RGS3: variants seen among roughly 807,000 people sequenced by gnomAD.
RGS3 encodes the protein regulator of G protein signaling 3.
Under a neutral mutation model 132.6 loss-of-function variants are expected in RGS3, and 80 were observed. The observed-to-expected ratio is 0.60, with a 90% CI of 0.50 to 0.73. The LOEUF is 0.73. RGS3 is among the 30% of genes least tolerant of loss of function. The pLI is 0.00. For missense variants in RGS3, 1,382 were observed against 1,530.8 expected (o/e 0.90, Z 1.62); for synonymous variants, 598 against 620.6 (o/e 0.96, Z 0.54).
chr9:113,580,448 G>C (rs1834734270), intron 19 of RGS3, among the ~76,000 whole-genome samples: 1 of 152,228 alleles, frequency 6.6e-6, no homozygotes, highest in Non-Finnish European at 1.5e-5. Context: ...TCCAGGGCCA[G>C]GCACTGTGAG....
Position 113,501,572 on chromosome 9 carries a change from CA to C in RGS3, c.897+3493del, listed in dbSNP as rs755707327. On this transcript the variant is annotated intron_variant, in intron 10 of 24. Transcript: ENST00000350696. ...GGGGCGGCAGCCGAGGCAGGACCCG[CA>C]GCCATGAACCGCTTCAATGGGCTCT... is the stretch of plus-strand genomic sequence containing the variant. 15 of 1,549,678 alleles carry C rather than the reference CA, an allele frequency of 9.7e-6. No homozygotes were observed. In the South Asian group the frequency reaches 1.8e-4, roughly 18 times the overall value.
intron 19 of RGS3, among the ~76,000 whole-genome samples, chr9:113,576,505 T>C (rs1003128028): frequency 6.6e-6 from 1 of 152,018 alleles, no homozygotes; most frequent in Admixed American, 6.5e-5. Context: ...CTAATTTTTG[T>C]ATTTTTGGTA....
At position 113,577,724 on chromosome 9, in the gene RGS3, C is replaced by T. The variant is rs561052687; in HGVS notation, c.2038-5726C>T. On this transcript the variant is annotated intron_variant, in intron 19 of 24. Transcript: ENST00000350696. ...TGCTGCTTCCTCCCCTAGTGAGCCC[C>T]GCCCTGCCCCTTGAGCAGATTTCGG... 3.1e-3 allele frequency among the ~76,000 whole-genome samples: 474 copies of T among 152,290 alleles called. 3 individuals are homozygous for T. The highest frequency in any genetic ancestry group is 0.01 in the African/African-American group (423 of 41,556).
At chr9:113,523,002 A>T (rs2119411249) in exon 17 of RGS3, 1 of 1,614,028 alleles carries the variant, frequency 6.2e-7, no homozygotes, top group East Asian at 2.2e-5. Context: ...CGACGTCCTG[A>T]GGAACCCCCT....
chr9:113,485,325 A>G (rs536859578), intron 6 of RGS3, among the ~76,000 whole-genome samples: 1 of 152,120 alleles, frequency 6.6e-6, no homozygotes, highest in African/African-American at 2.4e-5. Context: ...TCCTGACCTC[A>G]TGATCCGCCC....
At chr9:113,489,951 A>C (rs933116985) in intron 7 of RGS3, among the ~76,000 whole-genome samples, 2 of 152,220 alleles carry the variant, frequency 1.3e-5, no homozygotes, top group Non-Finnish European at 2.9e-5. Context: ...GATGGCTGTG[A>C]ACTTGTGTTA....
At chr9:113,564,991 G>A (rs1833929823) in intron 19 of RGS3, 12 of 1,017,428 alleles carry the variant, frequency 1.2e-5, no homozygotes, top group South Asian at 1.1e-4. Context: ...GGCTGGAGGC[G>A]GCTTTGCGCT....
exon 9 of RGS3, chr9:113,497,320 A>T: frequency 6.2e-7 from 1 of 1,612,222 alleles, no homozygotes; most frequent in Non-Finnish European, 8.5e-7. Flanking sequence ...ACAGGAGATC[A>T]GTGGTTGGTA....
upstream of RGS3, among the ~76,000 whole-genome samples, chr9:113,457,612 G>A (rs1019069071): frequency 6.6e-6 from 1 of 152,238 alleles, no homozygotes; most frequent in Non-Finnish European, 1.5e-5. Flanking sequence ...GGACTGCTGG[G>A]AGAGATGGTA....
chr9:113,587,931 T>TG (rs958717401), intron 20 of RGS3, among the ~76,000 whole-genome samples: 22 of 152,348 alleles, frequency 1.4e-4, no homozygotes, highest in African/African-American at 5.0e-4. Flanking sequence ...GGCTGCTCCC[T>TG]GGAGGCCCTG....
chr9:113,519,729 C>A (rs1831847907), intron 16 of RGS3, among the ~76,000 whole-genome samples: 1 of 151,856 alleles, frequency 6.6e-6, no homozygotes, highest in Non-Finnish European at 1.5e-5. Context: ...CTCCCTTACA[C>A]TCAACAGAAA....
intron 19 of RGS3, among the ~76,000 whole-genome samples, chr9:113,554,454 C>T (rs968147906): frequency 6.6e-6 from 1 of 152,212 alleles, no homozygotes; most frequent in Non-Finnish European, 1.5e-5. Context: ...TACAGGCACA[C>T]GCCATCATAC....
At chr9:113,560,225 G>T (rs1833733617) in intron 19 of RGS3, among the ~76,000 whole-genome samples, 1 of 152,160 alleles carries the variant, frequency 6.6e-6, no homozygotes, top group Non-Finnish European at 1.5e-5. Context: ...ACCACTTCCT[G>T]GTCTCATTTT....
chr9:113,586,371 A>T (rs72763846), intron 20 of RGS3, among the ~76,000 whole-genome samples: 1 of 152,118 alleles, frequency 6.6e-6, no homozygotes, highest in Admixed American at 6.5e-5. Flanking sequence ...ACACATTCAT[A>T]TGTATGCATT....
chr9:113,555,105 A>T (rs1044268559), intron 19 of RGS3, among the ~76,000 whole-genome samples: 2 of 152,140 alleles, frequency 1.3e-5, no homozygotes, highest in African/African-American at 2.4e-5. Flanking sequence ...AAATTTCCAC[A>T]TATGGATGGT....
At chr9:113,466,477 T>G (rs533255169) in intron 3 of RGS3, among the ~76,000 whole-genome samples, 2 of 152,338 alleles carry the variant, frequency 1.3e-5, no homozygotes, top group African/African-American at 4.8e-5. Flanking sequence ...CACAACCCCT[T>G]GTCCCCCAAA....
Position 113,579,928 on chromosome 9 carries a change from C to T in RGS3, c.2038-3522C>T, listed in dbSNP as rs1834710117. On this transcript the variant is annotated intron_variant, in intron 19 of 24. Transcript: ENST00000350696. This position sits in a 1 kb window ranked among gnomAD's most constrained non-coding sequence, Gnocchi z 4.3. The stretch of plus-strand genomic sequence containing the variant: ...TTGCTCACAGGGCAAATCCCATGCC[C>T]ACCATGTGTTCTGCAACCTCCCCCT... Among the ~76,000 whole-genome samples the T allele has an allele frequency of 6.6e-6, 1 of 152,216 alleles. No homozygotes were observed. The highest frequency in any genetic ancestry group is 2.4e-5 in the African/African-American group (1 of 41,452).
intron 18 of RGS3, 74 bp downstream of exon 16, chr9:113,529,338 C>A: frequency 1.6e-6 from 2 of 1,252,944 alleles, no homozygotes; most frequent in Non-Finnish European, 2.3e-6. Flanking sequence ...GGGCTGGGAT[C>A]TAGACCAGTG....
intron 19 of RGS3, among the ~76,000 whole-genome samples, chr9:113,538,790 GAGA>G (rs1037995137): frequency 9.2e-5 from 14 of 152,196 alleles, no homozygotes; most frequent in African/African-American, 3.4e-4. Context: ...TGCTGGACAG[GAGA>G]AGGATGAAGG....
Sources: allele counts gnomAD v4.1 joint callset (sites outside exome capture counted in the v4.1 genomes callset), GRCh38; gene constraint gnomAD v4.1.1; non-coding constraint Gnocchi (gnomAD v3.1); transcripts MANE v1.5; gene names NCBI Gene and HGNC (gene_info 2026-07-23, HGNC 2026-07-21).